The following NUAK1 variants were observed in gnomAD, a reference collection of about 807,000 sequenced individuals.
The protein encoded by NUAK1 is NUAK family SNF1-like kinase 1.
A neutral mutation model predicts 56.9 loss-of-function variants in NUAK1; 26 were observed. The observed-to-expected ratio is 0.46, with a 90% CI of 0.33 to 0.63. NUAK1 has a LOEUF of 0.63. Ranked by LOEUF, NUAK1 falls within the 30% of genes least tolerant of loss-of-function variation. The pLI, the probability that NUAK1 is intolerant of heterozygous loss-of-function variation, is 0.02. For synonymous variants in NUAK1, 337 were observed against 336.0 expected (o/e 1.00, Z -0.03); for missense variants, 727 against 876.1 (o/e 0.83, Z 2.15).
chr12:106,103,770 A>G (rs1243255721), intron 2 of NUAK1, among the ~76,000 whole-genome samples: 2 of 152,162 alleles, frequency 1.3e-5, no homozygotes, highest in South Asian at 2.1e-4. Flanking sequence ...GGGGACAGTT[A>G]CCCTCATGCT....
intron 1 of NUAK1, among the ~76,000 whole-genome samples, chr12:106,131,471 G>A (rs772032142): frequency 6.6e-6 from 1 of 152,068 alleles, no homozygotes; most frequent in Non-Finnish European, 1.5e-5. Flanking sequence ...TTCTTTCACT[G>A]AACATAATGT....
At chr12:106,069,978 C>A (rs769868260) in intron 6 of NUAK1, among the ~76,000 whole-genome samples, 1 of 152,116 alleles carries the variant, frequency 6.6e-6, no homozygotes, top group Non-Finnish European at 1.5e-5. Flanking sequence ...GCAGATGTGA[C>A]ACAATCTGGG....
rs542199674 is a variant in NUAK1, at chr12:106,132,865, AC to A, written c.240+5548del. Among the ~76,000 whole-genome samples, 45 of 152,128 alleles carry A rather than the reference AC, an allele frequency of 3.0e-4. No homozygotes were observed. The Middle Eastern group carries it at 0.01, about 34-fold the overall frequency. On this transcript the variant is annotated intron_variant, in intron 1 of 6. Transcript: ENST00000261402. ...CCACTGTGATCAGAACCCAGCTCAGACCCCTCTAGAGGAAGAGTTAAGGTCA... is the reference window on the plus strand; with the variant it reads ...CCACTGTGATCAGAACCCAGCTCAGACCCTCTAGAGGAAGAGTTAAGGTCA...
intron 1 of NUAK1, among the ~76,000 whole-genome samples, chr12:106,133,065 T>C (rs767151392): frequency 6.6e-6 from 1 of 152,170 alleles, no homozygotes; most frequent in Non-Finnish European, 1.5e-5. Context: ...TTATAAGCAC[T>C]CAAGAAGTAT....
intron 1 of NUAK1, among the ~76,000 whole-genome samples, chr12:106,137,221 C>G (rs1279887759): frequency 6.6e-6 from 1 of 152,036 alleles, no homozygotes; most frequent in Non-Finnish European, 1.5e-5. Context: ...CAGAACTGTT[C>G]CTGCCGAAAT....
intron 4 of NUAK1, among the ~76,000 whole-genome samples, chr12:106,078,223 C>T (rs1016360309): frequency 2.6e-5 from 4 of 152,146 alleles, no homozygotes; most frequent in African/African-American, 9.7e-5. Flanking sequence ...AGAGCAAGAC[C>T]CTGTCTCTAA....
At position 106,138,389 on chromosome 12, in the gene NUAK1, C is replaced by T. The variant is rs769058986; in HGVS notation, c.240+25G>A. On this transcript the variant is annotated intron_variant, in intron 1 of 6. Transcript: ENST00000261402. This position sits in a 1 kb window ranked among gnomAD's most constrained non-coding sequence, Gnocchi z 5.0. Reference sequence around the variant, plus strand: ...GGCCGCGTCCACCCAGCGCCCCCCGCACCCTCCAGGATTGCCCCACTCACC... The same window carrying T: ...GGCCGCGTCCACCCAGCGCCCCCCGTACCCTCCAGGATTGCCCCACTCACC... The T allele has an allele frequency of 6.3e-7, 1 of 1,583,356 alleles. No individual in the cohort carries two copies. Among genetic ancestry groups the T allele is most frequent in the South Asian group, 1.2e-5 (1 of 86,822 alleles).
intron 2 of NUAK1, 107 bp from the exon 3 acceptor site, chr12:106,086,992 T>A: frequency 7.1e-7 from 1 of 1,404,650 alleles, no homozygotes; most frequent in Non-Finnish European, 9.8e-7. Context: ...AGGCAGAGGA[T>A]CGACTGATGG....
At chr12:106,093,462 A>G (rs920098416) in intron 2 of NUAK1, among the ~76,000 whole-genome samples, 1 of 152,242 alleles carries the variant, frequency 6.6e-6, no homozygotes, top group Non-Finnish European at 1.5e-5. Context: ...CCCTCTGATC[A>G]TCTGGTTTTC....
intron 4 of NUAK1, among the ~76,000 whole-genome samples, chr12:106,076,154 C>A (rs893731508): frequency 1.3e-5 from 2 of 152,146 alleles, no homozygotes; most frequent in East Asian, 3.9e-4. Context: ...CATCATAAAA[C>A]AAAATCTCAG....
intron 1 of NUAK1, among the ~76,000 whole-genome samples, chr12:106,121,306 A>T (rs2032971921): frequency 6.6e-6 from 1 of 152,196 alleles, no homozygotes; most frequent in Non-Finnish European, 1.5e-5. Context: ...TGCATCACTT[A>T]GTGTATCTTG....
Position 106,123,853 on chromosome 12 carries a change from G to A in NUAK1, c.240+14561C>T, listed in dbSNP as rs957363580. On this transcript the variant is annotated intron_variant, in intron 1 of 6. Coordinates refer to ENST00000261402, the MANE Select transcript of NUAK1 (RefSeq NM_014840.3). ...TGGTCATTTTGTCCTTGGCTACAAC[G>A]TCCCACTGGGCCCGAGACACTGCAA... Among the ~76,000 whole-genome samples, 4 of 152,098 alleles carry A rather than the reference G, an allele frequency of 2.6e-5. No individual in the cohort carries two copies. The South Asian group carries it at 6.2e-4, about 24-fold the overall frequency.
intron 2 of NUAK1, among the ~76,000 whole-genome samples, chr12:106,088,576 A>T (rs1258422656): frequency 6.6e-6 from 1 of 152,230 alleles, no homozygotes; most frequent in Non-Finnish European, 1.5e-5. Context: ...GATTCTAGGG[A>T]TGTTGCTTGC....
chr12:106,075,037 G>A (rs184475170), intron 4 of NUAK1, among the ~76,000 whole-genome samples: 105 of 152,244 alleles, frequency 6.9e-4, no homozygotes, highest in African/African-American at 2.0e-3. Context: ...CCAAATACAC[G>A]TGCGTGTGAG....
intron 4 of NUAK1, among the ~76,000 whole-genome samples, chr12:106,075,541 G>A (rs994965127): frequency 4.6e-5 from 7 of 152,094 alleles, no homozygotes; most frequent in African/African-American, 1.4e-4. Flanking sequence ...CATAAAGTAT[G>A]TAAAGTCCTT....
At chr12:106,137,070 T>A (rs549686592) in intron 1 of NUAK1, among the ~76,000 whole-genome samples, 53 of 147,530 alleles carry the variant, frequency 3.6e-4, no homozygotes, top group South Asian at 2.7e-3. Context: ...GATTTTTTTT[T>A]AAAATAACGT....
rs73193828 is a variant in NUAK1 at position 106,072,712 on chromosome 12, A to C, written c.699+12T>G. 0.093 allele frequency: 149,402 copies of C among 1,612,488 alleles called. 12,438 individuals carry two copies. The highest frequency in any genetic ancestry group is 0.51 in the East Asian group (22,857 of 44,832). ...CCTCCCCTGCCCCATACACATTGGG[A>C]AAGCTGCTCACCTCTGGCCCTCGGT... On this transcript the variant is annotated intron_variant, in intron 5 of 6. Coordinates refer to ENST00000261402, the MANE Select transcript of NUAK1 (RefSeq NM_014840.3).
intron 2 of NUAK1, chr12:106,104,108 C>T (rs970520500): frequency 3.3e-5 from 5 of 151,438 alleles, no homozygotes; most frequent in Non-Finnish European, 7.3e-5. Context: ...CTTGGTTGCC[C>T]AGGCTGGAAA....
intron 2 of NUAK1, among the ~76,000 whole-genome samples, chr12:106,095,930 G>A (rs2032692024): frequency 6.6e-6 from 1 of 152,116 alleles, no homozygotes; most frequent in Admixed American, 6.5e-5. Context: ...TCATGGTGGG[G>A]AGCACAATCA....
Sources: allele counts gnomAD v4.1 joint callset (sites outside exome capture counted in the v4.1 genomes callset), GRCh38; gene constraint gnomAD v4.1.1; non-coding constraint Gnocchi (gnomAD v3.1); transcripts MANE v1.5; gene names NCBI Gene and HGNC (gene_info 2026-07-23, HGNC 2026-07-21).